HTR1F: variants seen among roughly 807,000 people sequenced by gnomAD.
The protein encoded by HTR1F is 5-hydroxytryptamine (serotonin) receptor 1F, G protein-coupled.
Under a neutral mutation model 24.0 loss-of-function variants are expected in HTR1F, and 17 were observed. That is an observed-to-expected ratio of 0.71 (90% CI 0.48 to 1.06). The LOEUF (loss-of-function observed/expected upper bound fraction) is 1.06. HTR1F is among the 50% of genes least tolerant of loss of function. The pLI is 0.00. For missense variants in HTR1F, 391 were observed against 427.8 expected, an observed-to-expected ratio of 0.91 and a Z score of 0.76; for synonymous variants, 186 against 156.8, an observed-to-expected ratio of 1.19 and a Z score of -1.39.
At chr3:87,831,456 G>A (rs946782761) in intron 2 of HTR1F, among the ~76,000 whole-genome samples, 7 of 151,450 alleles carry the variant, frequency 4.6e-5, no homozygotes, top group South Asian at 2.1e-4. Flanking sequence ...TCAGCCTCCC[G>A]GCTTCACGCC....
Position 87,911,160 on chromosome 3 carries a change from G to A in HTR1F, c.-42-79548G>A, listed in dbSNP as rs150787063. Among the ~76,000 whole-genome samples, 166 of 151,838 alleles carry A rather than the reference G, an allele frequency of 1.1e-3. No homozygotes were observed. In the East Asian group the frequency reaches 0.022, roughly 20 times the overall value. On this transcript the variant is annotated intron_variant, in intron 2 of 2. Transcript: ENST00000319595. ...GAGATCAAGACACAAAAAAACACTCGAAAGATCCACAAATCTAGGAGTTTG... is the reference window on the plus strand; with the variant it reads ...GAGATCAAGACACAAAAAAACACTCAAAAGATCCACAAATCTAGGAGTTTG...
intron 2 of HTR1F, among the ~76,000 whole-genome samples, chr3:87,879,689 A>C (rs889009914): frequency 2.0e-5 from 3 of 152,202 alleles, no homozygotes; most frequent in South Asian, 2.1e-4. Context: ...TTTTATTCTA[A>C]TACATTGTAA....
Position 87,970,975 on chromosome 3 carries a change from C to T in HTR1F, c.-42-19733C>T, listed in dbSNP as rs4858922. On this transcript the variant is annotated intron_variant, in intron 2 of 2. Transcript: ENST00000319595. ...CCTTTGTTCACCTTCCTTCCTATAG[C>T]AACTCTGCCAAATGTTCCTCTTACC... is the stretch of plus-strand genomic sequence containing the variant. Among the ~76,000 whole-genome samples the T allele has an allele frequency of 2.3e-3, 357 of 152,308 alleles. 14 individuals carry two copies. The highest frequency in any genetic ancestry group is 0.022 in the Admixed American group (340 of 15,294).
At chr3:87,942,879 G>A (rs1704604663) in intron 2 of HTR1F, among the ~76,000 whole-genome samples, 1 of 152,040 alleles carries the variant, frequency 6.6e-6, no homozygotes, top group Non-Finnish European at 1.5e-5. Flanking sequence ...TTTAATGTCT[G>A]CAGCTGACTG....
intron 2 of HTR1F, among the ~76,000 whole-genome samples, chr3:87,887,661 G>A (rs975354161): frequency 6.6e-6 from 1 of 152,160 alleles, no homozygotes; most frequent in African/African-American, 2.4e-5. Context: ...AGTGGGCAAT[G>A]GATATGAACA....
intron 2 of HTR1F, among the ~76,000 whole-genome samples, chr3:87,975,737 C>A (rs1705382169): frequency 6.6e-6 from 1 of 152,174 alleles, no homozygotes; most frequent in Admixed American, 6.5e-5. Flanking sequence ...TCACTGCCTG[C>A]CTTATCCAAG....
At chr3:87,977,393 C>CTTTTTTT (rs34070984) in intron 2 of HTR1F, among the ~76,000 whole-genome samples, 1 of 73,050 alleles carries the variant, frequency 1.4e-5, no homozygotes, top group African/African-American at 4.7e-5. Context: ...GAAGCTGAGA[C>CTTTTTTT]TTTTTTTTTT....
intron 2 of HTR1F, among the ~76,000 whole-genome samples, chr3:87,879,361 A>G (rs941474204): frequency 2.6e-5 from 4 of 152,200 alleles, no homozygotes; most frequent in African/African-American, 9.6e-5. Flanking sequence ...ACTGATGTAT[A>G]TGAAGATATT....
intron 2 of HTR1F, among the ~76,000 whole-genome samples, chr3:87,843,621 T>C (rs1435727770): frequency 6.6e-6 from 1 of 151,260 alleles, no homozygotes; most frequent in Non-Finnish European, 1.5e-5. Context: ...GCTGGTGTGC[T>C]GCACCCATTA....
rs185195387 is a variant in HTR1F, at chr3:87,960,283, T to C, written c.-42-30425T>C. Among the ~76,000 whole-genome samples the C allele has an allele frequency of 3.1e-4, 47 of 152,062 alleles. No homozygotes were observed. The East Asian group carries it at 5.8e-3, about 19-fold the overall frequency. On this transcript the variant is annotated intron_variant, in intron 2 of 2. Coordinates refer to ENST00000319595, the MANE Select transcript of HTR1F (RefSeq NM_001322209.2). ...CTGTGAGTGGCTACTAATATGCAAT[T>C]TGGAAAACATCCTAAATAAATCACA...
chr3:87,927,020 G>C (rs1704141378), intron 2 of HTR1F, among the ~76,000 whole-genome samples: 1 of 144,806 alleles, frequency 6.9e-6, no homozygotes, highest in Non-Finnish European at 1.5e-5. Context: ...TCACTGCTTT[G>C]ATGAAAAGAG....
chr3:87,929,364 G>A lies in HTR1F; in HGVS notation c.-42-61344G>A, dbSNP rs72913797. 4.7e-3 allele frequency among the ~76,000 whole-genome samples: 721 copies of A among 152,234 alleles called. 2 individuals carry two copies. Among genetic ancestry groups the A allele is most frequent in the African/African-American group, 0.017 (688 of 41,544 alleles). ...ATACAAGCACCATACAACGTATATG[G>A]CAACCAGATTACTTATATATGGTTT... On this transcript the variant is annotated intron_variant, in intron 2 of 2. Coordinates refer to ENST00000319595, the MANE Select transcript of HTR1F (RefSeq NM_001322209.2).
chr3:87,828,328 C>T (rs1704507109), intron 2 of HTR1F, among the ~76,000 whole-genome samples: 1 of 152,102 alleles, frequency 6.6e-6, no homozygotes, highest in South Asian at 2.1e-4. Context: ...AAAAATTAGG[C>T]TTATGTTTTT....
chr3:87,959,462 T>C (rs1462499106), intron 2 of HTR1F, among the ~76,000 whole-genome samples: 1 of 151,928 alleles, frequency 6.6e-6, no homozygotes, highest in African/African-American at 2.4e-5. Flanking sequence ...ATGTATTATT[T>C]CTAGTAGAAA....
chr3:87,983,348 T>C (rs570161902), intron 2 of HTR1F, among the ~76,000 whole-genome samples: 1 of 152,336 alleles, frequency 6.6e-6, no homozygotes, highest in South Asian at 2.1e-4. Context: ...TGTAAAAGCC[T>C]TGCAGAGTTT....
intron 2 of HTR1F, among the ~76,000 whole-genome samples, chr3:87,847,881 T>A (rs1371231039): frequency 6.6e-6 from 1 of 151,916 alleles, no homozygotes; most frequent in Non-Finnish European, 1.5e-5. Context: ...GACTGCGCTC[T>A]TTATGGCTGA....
At chr3:87,968,202 T>A (rs140544964) in intron 2 of HTR1F, among the ~76,000 whole-genome samples, 4 of 152,104 alleles carry the variant, frequency 2.6e-5, no homozygotes, top group African/African-American at 9.6e-5. Flanking sequence ...ATTTAGGGCA[T>A]CTAGCAGAAG....
chr3:87,873,789 A>G (rs368704584), intron 2 of HTR1F, among the ~76,000 whole-genome samples: 17 of 152,186 alleles, frequency 1.1e-4, no homozygotes, highest in African/African-American at 2.9e-4. Context: ...AAATCAATCA[A>G]TGTGATACAC....
chr3:87,936,948 G>A (rs1200631511), intron 2 of HTR1F, among the ~76,000 whole-genome samples: 2 of 151,862 alleles, frequency 1.3e-5, no homozygotes, highest in African/African-American at 2.4e-5. Context: ...TCCCTGAACA[G>A]ACCAATAATG....
Sources: allele counts gnomAD v4.1 joint callset (sites outside exome capture counted in the v4.1 genomes callset), GRCh38; gene constraint gnomAD v4.1.1; transcripts MANE v1.5; gene names NCBI Gene and HGNC (gene_info 2026-07-23, HGNC 2026-07-21).